The following CNGA1 variants were observed in gnomAD, a reference collection of about 807,000 sequenced individuals.
CNGA1 encodes cyclic nucleotide-gated channel alpha-1.
CNGA1 carries 53 observed loss-of-function variants against 69.7 expected under a neutral mutation model. That is an observed-to-expected ratio of 0.76 (90% confidence interval 0.61 to 0.96). CNGA1 has a LOEUF of 0.96. CNGA1 is among the 40% of genes least tolerant of loss of function. CNGA1 has a pLI of 0.00. For missense variants in CNGA1, 739 were observed against 811.2 expected (o/e 0.91, Z 1.08); for synonymous variants, 249 against 283.5 (o/e 0.88, Z 1.22).
intron 3 of CNGA1, among the ~76,000 whole-genome samples, chr4:47,967,977 C>CAA (rs572307901): frequency 1.2e-3 from 176 of 145,070 alleles, no homozygotes; most frequent in African/African-American, 4.3e-3. Flanking sequence ...GACTTCGTCT[C>CAA]AAAAAAAAAA....
In CNGA1 at chr4:47,936,043, T is replaced by C. The variant is rs147580778; in HGVS notation, c.*378A>G. 8.5e-6 allele frequency: 2 copies of C among 236,448 alleles called. No homozygotes were observed. Among genetic ancestry groups the C allele is most frequent in the African/African-American group, 2.3e-5 (1 of 43,822 alleles). The allele number at this position is 236,448 out of a possible 1,614,324, so 14.6% of individuals were successfully genotyped here. A position where few individuals can be genotyped will look rare whatever the true frequency, so the allele number is the denominator to read the frequency against. On this transcript the variant is annotated 3_prime_UTR_variant, in exon 11 of 11. Coordinates refer to ENST00000514170, the MANE Select transcript of CNGA1 (RefSeq NM_001379270.1). ...AATGTTATCCCAAATATGATGTACA[T>C]GGTAATTCTCAGTTACTTCAAATAC... is the stretch of plus-strand genomic sequence containing the variant.
At chr4:47,999,707 C>T (rs1016527422) in intron 2 of CNGA1, among the ~76,000 whole-genome samples, 6 of 152,068 alleles carry the variant, frequency 3.9e-5, no homozygotes, top group Non-Finnish European at 7.4e-5. Flanking sequence ...CCCGTCTCTA[C>T]TAAAACTTCA....
chr4:47,979,142 A>C (rs1412205470), intron 3 of CNGA1, among the ~76,000 whole-genome samples: 1 of 151,966 alleles, frequency 6.6e-6, no homozygotes, highest in African/African-American at 2.4e-5. Flanking sequence ...GCAACATGGC[A>C]AAACCCCGTC....
At chr4:47,946,282 G>A (rs1210001912) in intron 6 of CNGA1, among the ~76,000 whole-genome samples, 2 of 152,176 alleles carry the variant, frequency 1.3e-5, no homozygotes, top group South Asian at 4.1e-4. Context: ...CCAAGTAGTA[G>A]CCCCAATTGC....
chr4:47,977,001 G>C (rs1295069390), intron 3 of CNGA1, among the ~76,000 whole-genome samples: 1 of 152,184 alleles, frequency 6.6e-6, no homozygotes, highest in African/African-American at 2.4e-5. Flanking sequence ...AGATGAATAG[G>C]AGTTTGCGAC....
At chr4:47,962,896 CA>C (rs1219153338) in intron 3 of CNGA1, among the ~76,000 whole-genome samples, 1 of 151,954 alleles carries the variant, frequency 6.6e-6, no homozygotes, top group East Asian at 1.9e-4. Flanking sequence ...TCTGTTTAAG[CA>C]AACAACACTA....
chr4:48,003,490 G>A (rs940002948), intron 2 of CNGA1, among the ~76,000 whole-genome samples: 11 of 152,048 alleles, frequency 7.2e-5, no homozygotes, highest in Admixed American at 2.6e-4. Context: ...CCCAGGTGCC[G>A]AGGCAAGAGA....
At position 47,937,624 on chromosome 4, in the gene CNGA1, T is replaced by C. The variant is rs533594644; in HGVS notation, c.858A>G (p.Thr286=). Residue 286 remains threonine, a synonymous_variant, in exon 11 of 11, where the codon ACA becomes ACG. Transcript: ENST00000514170. ...RMFEFFQRTE[T]RTNYPNIFRI... ...TGAAGATGTTTGGATAGTTTGTCCT[T>C]GTTTCTGTTCTCTGGAAGAACTCAA... is the stretch of plus-strand genomic sequence containing the variant. 61 of 1,614,064 alleles carry C rather than the reference T, an allele frequency of 3.8e-5. No homozygotes were observed. The highest frequency in any genetic ancestry group is 4.8e-5 in the Non-Finnish European group (57 of 1,180,026).
At chr4:48,012,558 C>CTTTTTTTTTTTTTTTTTTTTTT (rs528643370) in intron 1 of CNGA1, among the ~76,000 whole-genome samples, 1 of 64,996 alleles carries the variant, frequency 1.5e-5, no homozygotes, top group African/African-American at 6.6e-5. Flanking sequence ...ACCACACCAT[C>CTTTTTTTTTTTTTTTTTTTTTT]TTTTTTTTTT....
rs752257711 is a variant in CNGA1 at position 47,940,773 on chromosome 4, T to C, written c.642A>G (p.Arg214=). 1.1e-5 allele frequency: 17 copies of C among 1,593,238 alleles called. No individual in the cohort carries two copies. Among genetic ancestry groups the C allele is most frequent in the Non-Finnish European group, 1.3e-5 (15 of 1,161,428 alleles). Residue 214 remains arginine, a synonymous_variant, in exon 10 of 11, where the codon CGA becomes CGG. Coordinates refer to ENST00000514170, the MANE Select transcript of CNGA1 (RefSeq NM_001379270.1). ...ACTGAACATATTTACCTGTCCTTGTTCGTACAAACATATCGATTAAATAGA... is the reference window on the plus strand; with the variant it reads ...ACTGAACATATTTACCTGTCCTTGTCCGTACAAACATATCGATTAAATAGA... The part of the protein sequence containing the change: ...DIVYLIDMFV[R]TRTGYLEQGL...
At chr4:47,963,598 C>A (rs988369971) in intron 3 of CNGA1, among the ~76,000 whole-genome samples, 2 of 152,178 alleles carry the variant, frequency 1.3e-5, no homozygotes, top group African/African-American at 4.8e-5. Flanking sequence ...TAGCATTATG[C>A]CTGGCACATA....
At chr4:47,981,228 T>A (rs1226275223) in intron 3 of CNGA1, among the ~76,000 whole-genome samples, 165 bp downstream of exon 3, 1 of 152,228 alleles carries the variant, frequency 6.6e-6, no homozygotes, top group Non-Finnish European at 1.5e-5. Flanking sequence ...TATTCACTTA[T>A]CTGTCAAAAA....
At chr4:48,015,103 A>G (rs981074519) in intron 1 of CNGA1, among the ~76,000 whole-genome samples, 5 of 152,106 alleles carry the variant, frequency 3.3e-5, no homozygotes, top group Admixed American at 3.3e-4. Flanking sequence ...GCGTGAACCC[A>G]GGAGGCGGAG....
intron 2 of CNGA1, among the ~76,000 whole-genome samples, chr4:47,994,456 T>G (rs1311193956): frequency 6.6e-6 from 1 of 152,190 alleles, no homozygotes; most frequent in Non-Finnish European, 1.5e-5. Flanking sequence ...TTAACTGCTG[T>G]TGCTTTAAAG....
At chr4:47,960,078 AAAC>A (rs774621342) in intron 3 of CNGA1, among the ~76,000 whole-genome samples, 1 of 152,204 alleles carries the variant, frequency 6.6e-6, no homozygotes, top group Non-Finnish European at 1.5e-5. Flanking sequence ...TCAACCATAA[AAAC>A]AACCCAATAA....
intron 2 of CNGA1, among the ~76,000 whole-genome samples, chr4:47,982,433 G>A (rs1028280521): frequency 6.6e-6 from 1 of 152,082 alleles, no homozygotes; most frequent in African/African-American, 2.4e-5. Flanking sequence ...GAAAATTAGA[G>A]GAGTACTGTG....
At chr4:47,956,343 G>T (rs1246435588) in intron 3 of CNGA1, among the ~76,000 whole-genome samples, 2 of 152,176 alleles carry the variant, frequency 1.3e-5, no homozygotes, top group African/African-American at 4.8e-5. Context: ...GCAGGAGTAG[G>T]GTGACTGTTG....
intron 3 of CNGA1, among the ~76,000 whole-genome samples, chr4:47,967,322 C>CA (rs887020776): frequency 3.7e-4 from 56 of 149,720 alleles, no homozygotes; most frequent in African/African-American, 1.0e-3. Flanking sequence ...AAAAACAAAA[C>CA]AAAAAAAAAG....
At chr4:48,015,109 C>T (rs1461061940) in intron 1 of CNGA1, among the ~76,000 whole-genome samples, 5 of 152,184 alleles carry the variant, frequency 3.3e-5, no homozygotes, top group South Asian at 2.1e-4. Flanking sequence ...ACCCAGGAGG[C>T]GGAGCTTGCA....
Sources: allele counts gnomAD v4.1 joint callset (sites outside exome capture counted in the v4.1 genomes callset), GRCh38; gene constraint gnomAD v4.1.1; transcripts MANE v1.5; gene names NCBI Gene and HGNC (gene_info 2026-07-23, HGNC 2026-07-21).